SGCD: variants seen among roughly 807,000 people sequenced by gnomAD.
The protein encoded by SGCD is sarcoglycan delta.
Under a neutral mutation model 36.6 loss-of-function variants are expected in SGCD, and 18 were observed. The observed-to-expected ratio is 0.49, with a 90% confidence interval of 0.34 to 0.73. The LOEUF is 0.73. Among genes scored for constraint, SGCD ranks in the 30% least tolerant of loss-of-function variants. The pLI is 0.01. For synonymous variants in SGCD, 133 were observed against 130.6 expected, an observed-to-expected ratio of 1.02 and a Z score of -0.12; for missense variants, 387 against 346.7, an observed-to-expected ratio of 1.12 and a Z score of -0.92.
intron 3 of SGCD, among the ~76,000 whole-genome samples, chr5:156,466,763 C>G (rs780627618): frequency 4.7e-4 from 72 of 152,164 alleles, no homozygotes; most frequent in Non-Finnish European, 1.6e-4. Flanking sequence ...TTAGATCCCC[C>G]ACAAAAGTAT....
At chr5:155,766,318 CAAA>C in the SGCD span, among the ~76,000 whole-genome samples, 1 of 152,120 alleles carries the variant, frequency 6.6e-6, no homozygotes, top group African/African-American at 2.4e-5. Flanking sequence ...AGGGAGTAAG[CAAA>C]GAAGAAAGCT....
chr5:156,296,518 TA>T lies in SGCD; in HGVS notation c.-43-33014del, dbSNP rs1290083013. 3.3e-5 allele frequency among the ~76,000 whole-genome samples: 5 copies of T among 152,312 alleles called. 1 individual carries two copies. In the East Asian group the frequency reaches 9.6e-4, roughly 29 times the overall value. On this transcript the variant is annotated intron_variant, in intron 3 of 9. Coordinates refer to the SGCD transcript ENST00000517913. ...TTTTCATTTGTCTCTAAGTGTTTTC[TA>T]ATGCCTCTTGTGATTTACTCTTTCA...
chr5:156,135,836 C>G (rs1022825431), intron 3 of SGCD, among the ~76,000 whole-genome samples: 2 of 152,046 alleles, frequency 1.3e-5, no homozygotes, highest in East Asian at 3.9e-4. Context: ...TTTAAGAGAC[C>G]ATTTTCAATA....
At chr5:155,870,840 G>A (rs186911616) in intron 1 of SGCD, among the ~76,000 whole-genome samples, 1 of 152,282 alleles carries the variant, frequency 6.6e-6, no homozygotes, top group Admixed American at 6.5e-5. Context: ...CTCCGTCTCT[G>A]TGGGTTTGAC....
intron 1 of SGCD, among the ~76,000 whole-genome samples, chr5:155,948,012 C>T (rs1447973033): frequency 6.6e-6 from 1 of 152,136 alleles, no homozygotes; most frequent in African/African-American, 2.4e-5. Context: ...CACGGTGGCT[C>T]ACTCCTGTAA....
chr5:156,144,018 G>A (rs548724214), intron 3 of SGCD, among the ~76,000 whole-genome samples: 1 of 151,486 alleles, frequency 6.6e-6, no homozygotes, highest in Non-Finnish European at 1.5e-5. Flanking sequence ...ATAGTTTGCT[G>A]AGAATGATGG....
intron 6 of SGCD, among the ~76,000 whole-genome samples, chr5:156,641,142 G>A (rs2113564063): frequency 6.6e-6 from 1 of 152,288 alleles, no homozygotes; most frequent in East Asian, 1.9e-4. Context: ...ACAAATTCAT[G>A]TTAGGAATTA....
At chr5:156,068,910 G>A (rs540878458) in intron 1 of SGCD, among the ~76,000 whole-genome samples, 11,020 of 151,710 alleles carry the variant, frequency 0.073, 1,100 homozygotes, top group African/African-American at 0.22. Context: ...TTTTGGCTGC[G>A]TAAATGTCTT....
At chr5:156,398,869 C>A (rs899567917) in intron 3 of SGCD, among the ~76,000 whole-genome samples, 2 of 152,184 alleles carry the variant, frequency 1.3e-5, no homozygotes, top group Non-Finnish European at 1.5e-5. Context: ...ATATGGTAGG[C>A]ACTAGATGCA....
At chr5:156,259,914 C>T (rs944364334) in intron 3 of SGCD, among the ~76,000 whole-genome samples, 7 of 152,112 alleles carry the variant, frequency 4.6e-5, no homozygotes, top group Non-Finnish European at 7.4e-5. Context: ...CAGTACCATG[C>T]GGCTGGGCTT....
intron 6 of SGCD, among the ~76,000 whole-genome samples, chr5:156,641,033 C>T (rs1763008750): frequency 6.6e-6 from 1 of 152,210 alleles, no homozygotes; most frequent in Non-Finnish European, 1.5e-5. Flanking sequence ...TCTGCATCCT[C>T]GTTGATCACT....
At chr5:156,503,725 TATCTC>T (rs550538408) in intron 3 of SGCD, among the ~76,000 whole-genome samples, 77 of 152,314 alleles carry the variant, frequency 5.1e-4, no homozygotes, top group Middle Eastern at 3.4e-3. Flanking sequence ...AAATAATAAT[TATCTC>T]ATAAGAACAT....
the SGCD span, among the ~76,000 whole-genome samples, chr5:155,777,249 C>T: frequency 1.3e-5 from 2 of 152,036 alleles, no homozygotes; most frequent in African/African-American, 2.4e-5. Flanking sequence ...AGTATATAAC[C>T]ACCTTTTTCA....
chr5:156,189,399 A>G (rs1050770165), intron 3 of SGCD, among the ~76,000 whole-genome samples: 1 of 152,218 alleles, frequency 6.6e-6, no homozygotes, highest in African/African-American at 2.4e-5. Flanking sequence ...TCTCCTTAGT[A>G]TTTGTCCTGC....
intron 2 of SGCD, among the ~76,000 whole-genome samples, chr5:156,121,975 T>A (rs1317582118): frequency 2.0e-5 from 3 of 152,178 alleles, no homozygotes; most frequent in African/African-American, 7.2e-5. Flanking sequence ...AGAAATAGTT[T>A]TGGGGCTTTT....
intron 3 of SGCD, among the ~76,000 whole-genome samples, chr5:156,409,378 G>T (rs981530326): frequency 6.6e-6 from 1 of 152,146 alleles, no homozygotes; most frequent in Non-Finnish European, 1.5e-5. Flanking sequence ...TGTCCTAAAG[G>T]AGGGCTTCCT....
chr5:156,749,886 G>T (rs901078359), intron 7 of SGCD, among the ~76,000 whole-genome samples: 1 of 152,010 alleles, frequency 6.6e-6, no homozygotes, highest in Non-Finnish European at 1.5e-5. Context: ...TTATAGAAAA[G>T]TGATAGAACC....
At chr5:156,533,646 C>G (rs1757978418) in intron 4 of SGCD, among the ~76,000 whole-genome samples, 1 of 152,114 alleles carries the variant, frequency 6.6e-6, no homozygotes, top group Non-Finnish European at 1.5e-5. Context: ...ATAAGAGTGA[C>G]TCTTTTCTTA....
At chr5:156,640,237 C>T (rs939185036) in intron 6 of SGCD, among the ~76,000 whole-genome samples, 6 of 151,680 alleles carry the variant, frequency 4.0e-5, no homozygotes, top group African/African-American at 1.2e-4. Flanking sequence ...ACTAGATATC[C>T]GTTTATGTAC....
Sources: gnomAD v4.1 joint callset for allele counts (sites outside exome capture counted in the v4.1 genomes callset) on GRCh38, gnomAD v4.1.1 for gene constraint, MANE v1.5 for transcripts, NCBI Gene and HGNC (gene_info 2026-07-23, HGNC 2026-07-21) for gene names.